MTA3: variants seen among roughly 807,000 people sequenced by gnomAD.
The protein encoded by MTA3 is metastasis associated 1 family member 3, also known as metastasis-associated protein MTA3.
Under a neutral mutation model 83.5 loss-of-function variants are expected in MTA3, and 34 were observed. The ratio of observed to expected loss-of-function variants is 0.41; its 90% CI spans 0.31 to 0.54. The LOEUF is 0.54. MTA3 is among the 20% of genes least tolerant of loss of function. MTA3 has a pLI of 0.33. For synonymous variants in MTA3, 303 were observed against 252.7 expected (o/e 1.20, Z -1.89); for missense variants, 761 against 726.4 (o/e 1.05, Z -0.55).
chr2:42,521,583 T>C (rs1675431472), intron 2 of MTA3, among the ~76,000 whole-genome samples: 1 of 152,088 alleles, frequency 6.6e-6, no homozygotes, highest in African/African-American at 2.4e-5. Context: ...TGGATTTCCA[T>C]ATTATTACAC....
At chr2:42,623,339 C>T (rs1487192870) in intron 4 of MTA3, among the ~76,000 whole-genome samples, 1 of 152,170 alleles carries the variant, frequency 6.6e-6, no homozygotes, top group Non-Finnish European at 1.5e-5. Context: ...AGGGTACTTG[C>T]TGTAAAACCT....
intron 2 of MTA3, among the ~76,000 whole-genome samples, chr2:42,563,301 T>C (rs543807752): frequency 1.3e-5 from 2 of 152,290 alleles, no homozygotes; most frequent in East Asian, 3.9e-4. Context: ...CCCAAGTAGC[T>C]GGGATTACAG....
chr2:42,697,309 A>G (rs543839593), intron 10 of MTA3, among the ~76,000 whole-genome samples: 2 of 152,332 alleles, frequency 1.3e-5, no homozygotes, highest in South Asian at 4.1e-4. Context: ...ATTTAGTTCT[A>G]CTTAGAATAG....
At chr2:42,507,023 G>A (rs750098264) in intron 2 of MTA3, among the ~76,000 whole-genome samples, 7 of 152,240 alleles carry the variant, frequency 4.6e-5, no homozygotes, top group Non-Finnish European at 1.0e-4. Context: ...TCTCTCTTCA[G>A]CCTCCCGAGT....
chr2:42,602,127 C>T (rs1027279570), intron 3 of MTA3, among the ~76,000 whole-genome samples: 2 of 152,188 alleles, frequency 1.3e-5, no homozygotes, highest in Non-Finnish European at 2.9e-5. Context: ...AGGCGTGAAC[C>T]ACTGCCCAGT....
chr2:42,506,623 TATTA>T (rs1379610038), intron 2 of MTA3, among the ~76,000 whole-genome samples: 2 of 59,950 alleles, frequency 3.3e-5, no homozygotes, highest in East Asian at 3.0e-4. Context: ...TACTTATTAT[TATTA>T]TTTATTTATT....
intron 4 of MTA3, among the ~76,000 whole-genome samples, chr2:42,609,966 G>A (rs750192953): frequency 7.2e-5 from 11 of 152,136 alleles, no homozygotes; most frequent in Non-Finnish European, 1.3e-4. Flanking sequence ...TGGGCGTGGT[G>A]GTATGCACCT....
chr2:42,538,868 G>A (rs1446895553), intron 2 of MTA3, among the ~76,000 whole-genome samples: 5 of 146,618 alleles, frequency 3.4e-5, no homozygotes, highest in Admixed American at 6.9e-5. Context: ...TCCGCTTCCC[G>A]GGTTCACGCC....
At chr2:42,533,905 CTCTT>C (rs1471545101) in intron 2 of MTA3, among the ~76,000 whole-genome samples, 4 of 151,604 alleles carry the variant, frequency 2.6e-5, no homozygotes, top group Non-Finnish European at 4.4e-5. Flanking sequence ...CCGATTTTCT[CTCTT>C]TCTTTTTACT....
intron 9 of MTA3, 26 bp downstream of exon 9, chr2:42,682,615 A>G: frequency 6.4e-7 from 1 of 1,574,434 alleles, no homozygotes; most frequent in Non-Finnish European, 8.7e-7. Flanking sequence ...TGAGTAAAAT[A>G]AAATGTTGAG....
intron 3 of MTA3, among the ~76,000 whole-genome samples, chr2:42,583,805 G>A (rs1679947889): frequency 6.6e-6 from 1 of 151,576 alleles, no homozygotes; most frequent in Admixed American, 6.6e-5. Context: ...TGCCATGATT[G>A]CAGGTGTGAG....
At chr2:42,501,029 C>T (rs1207767557) in intron 2 of MTA3, among the ~76,000 whole-genome samples, 1 of 152,092 alleles carries the variant, frequency 6.6e-6, no homozygotes, top group Non-Finnish European at 1.5e-5. Context: ...CCAGGATGAT[C>T]TCCATCTCCT....
chr2:42,509,976 G>A (rs546836939), intron 2 of MTA3, among the ~76,000 whole-genome samples: 57 of 152,150 alleles, frequency 3.7e-4, no homozygotes, highest in Non-Finnish European at 6.9e-4. Flanking sequence ...TGGTAGAGAA[G>A]GTCTTGGCAC....
chr2:42,589,417 C>A (rs935342308), intron 3 of MTA3, among the ~76,000 whole-genome samples: 3 of 152,082 alleles, frequency 2.0e-5, no homozygotes, highest in Non-Finnish European at 2.9e-5. Context: ...CACCAGTAAC[C>A]TTAATGGCAA....
Position 42,754,444 on chromosome 2 carries a change from T to G in MTA3, c.*1045T>G. ...GCCCCGGGGGACCTGCCTGCTCCTTTGGCTTGGGCTCTTCGTGTTTCCCAC... is the reference window on the plus strand; with the variant it reads ...GCCCCGGGGGACCTGCCTGCTCCTTGGGCTTGGGCTCTTCGTGTTTCCCAC... On this transcript the variant is annotated 3_prime_UTR_variant, in exon 17 of 17. Coordinates refer to ENST00000405094, the MANE Select transcript of MTA3 (RefSeq NM_001330442.2). The G allele has an allele frequency of 1.0e-6, 1 of 985,540 alleles. No homozygotes were observed. Among genetic ancestry groups the G allele is most frequent in the Non-Finnish European group, 1.2e-6 (1 of 830,020 alleles). 61.0% of individuals were successfully genotyped at this position (985,540 alleles called of 1,614,324 possible). A position where few individuals can be genotyped will look rare whatever the true frequency, so the allele number is the denominator to read the frequency against.
intron 4 of MTA3, among the ~76,000 whole-genome samples, chr2:42,627,520 T>C (rs1451345034): frequency 6.6e-6 from 1 of 152,106 alleles, no homozygotes; most frequent in Non-Finnish European, 1.5e-5. Flanking sequence ...TTTATTCTTC[T>C]AATGGCCCCC....
At chr2:42,581,846 A>C (rs1573049172) in intron 3 of MTA3, 1 of 218,880 alleles carries the variant, frequency 4.6e-6, no homozygotes, top group South Asian at 5.1e-5. Flanking sequence ...GGCTCACTGC[A>C]ACCTCCACCT....
chr2:42,683,134 C>T (rs1692073034), intron 9 of MTA3, among the ~76,000 whole-genome samples: 1 of 152,144 alleles, frequency 6.6e-6, no homozygotes, highest in Admixed American at 6.5e-5. Context: ...TGGTGTAAAC[C>T]TTGGCAATAT....
intron 14 of MTA3, among the ~76,000 whole-genome samples, chr2:42,716,478 T>A (rs936547254): frequency 6.6e-6 from 1 of 152,168 alleles, no homozygotes; most frequent in South Asian, 2.1e-4. Context: ...CTGTCCCTCC[T>A]CTCACCCTCC....
Sources: allele counts gnomAD v4.1 joint callset (sites outside exome capture counted in the v4.1 genomes callset), GRCh38; gene constraint gnomAD v4.1.1; transcripts MANE v1.5; gene names NCBI Gene and HGNC (gene_info 2026-07-23, HGNC 2026-07-21).